THUMPD3: variants seen among roughly 807,000 people sequenced by gnomAD.
THUMPD3 encodes tRNA (guanine(6)-N(2))-methyltransferase THUMP3.
Under a neutral mutation model 54.5 loss-of-function variants are expected in THUMPD3, and 44 were observed. That is an observed-to-expected ratio of 0.81 (90% confidence interval 0.63 to 1.04). The LOEUF (loss-of-function observed/expected upper bound fraction) is 1.04. Among genes scored for constraint, THUMPD3 ranks in the 50% least tolerant of loss-of-function variants. The pLI, the probability that THUMPD3 is intolerant of heterozygous loss-of-function variation, is 0.00. For missense variants in THUMPD3, 604 were observed against 601.3 expected (o/e 1.00, Z -0.05); for synonymous variants, 196 against 201.4 (o/e 0.97, Z 0.23).
Position 9,377,837 on chromosome 3 carries a change from T to G in THUMPD3, c.957T>G (p.Pro319=), listed in dbSNP as rs780277347. Residue 319 remains proline, a synonymous_variant, in exon 6 of 10, where the codon CCT becomes CCG. Coordinates refer to ENST00000452837, the MANE Select transcript of THUMPD3 (RefSeq NM_001114092.2). The part of the protein sequence containing the change: ...YGMLRLCDPL[P]YDIIVDPMCG... ...TCTCTAGGCTCTGTGATCCTCTACC[T>G]TATGATATAATAGTCGATCCAATGT... The G allele has an allele frequency of 1.2e-5, 19 of 1,613,580 alleles. No individual in the cohort carries two copies. Among genetic ancestry groups the G allele is most frequent in the Non-Finnish European group, 1.5e-5 (18 of 1,179,714 alleles).
chr3:9,380,621 A>G lies in THUMPD3; in HGVS notation c.1124+3A>G. On this transcript the variant is annotated splice_donor_region_variant and intron_variant, in intron 7 of 9. Coordinates refer to ENST00000452837, the MANE Select transcript of THUMPD3 (RefSeq NM_001114092.2). The stretch of plus-strand genomic sequence containing the variant: ...ACCAAGAGCCAAATTAAAGAAGGGT[A>G]AAAATTTAAAAGATTTCTTAGCATC... 6.3e-7 allele frequency: 1 copy of G among 1,591,290 alleles called. No individual in the cohort carries two copies. The highest frequency in any genetic ancestry group is 8.6e-7 in the Non-Finnish European group (1 of 1,161,614).
At chr3:9,381,060 T>C (rs1699569728) in intron 7 of THUMPD3, among the ~76,000 whole-genome samples, 1 of 152,158 alleles carries the variant, frequency 6.6e-6, no homozygotes, top group Admixed American at 6.5e-5. Context: ...GCCTCCCTAG[T>C]AGCTAGGAAT....
At chr3:9,383,746 C>T (rs564215784) in intron 8 of THUMPD3, among the ~76,000 whole-genome samples, 9 of 152,202 alleles carry the variant, frequency 5.9e-5, no homozygotes, top group East Asian at 1.9e-4. Flanking sequence ...GCCTCACCCT[C>T]CTGAGTAGCT....
intron 3 of THUMPD3, among the ~76,000 whole-genome samples, chr3:9,368,007 G>T (rs1015980036): frequency 6.6e-6 from 1 of 152,094 alleles, no homozygotes; most frequent in African/African-American, 2.4e-5. Context: ...GGAGCTGGCA[G>T]TGAGCAGAGA....
At chr3:9,371,015 T>G in intron 3 of THUMPD3, 45 bp from the exon 4 acceptor site, 1 of 1,433,236 alleles carries the variant, frequency 7.0e-7, no homozygotes. Flanking sequence ...TTTGTTTGAT[T>G]ATAGTGGTGA....
chr3:9,373,672 G>A (rs2032232824), intron 4 of THUMPD3, among the ~76,000 whole-genome samples: 1 of 152,226 alleles, frequency 6.6e-6, no homozygotes, highest in Non-Finnish European at 1.5e-5. Context: ...CTGTGGTTAA[G>A]CTCAGGAAGT....
chr3:9,377,784 G>A (rs1420503592), intron 5 of THUMPD3, 35 bp from the exon 6 acceptor site: 1 of 1,549,624 alleles, frequency 6.5e-7, no homozygotes, highest in Admixed American at 1.7e-5. Context: ...CAGCTTTTGA[G>A]TGAGTCTTCA....
At chr3:9,366,516 C>T (rs1559299008) in intron 2 of THUMPD3, among the ~76,000 whole-genome samples, 1 of 152,178 alleles carries the variant, frequency 6.6e-6, no homozygotes, top group South Asian at 2.1e-4. Flanking sequence ...AATAATTTCC[C>T]CAGGGCCACT....
At chr3:9,379,154 T>G (rs2032686968) in intron 6 of THUMPD3, among the ~76,000 whole-genome samples, 2 of 151,592 alleles carry the variant, frequency 1.3e-5, no homozygotes, top group South Asian at 4.2e-4. Context: ...TTTTTTAATT[T>G]AGAAGTGTTA....
chr3:9,371,228 G>T lies in THUMPD3; in HGVS notation c.499G>T (p.Asp167Tyr). 1.9e-6 allele frequency: 3 copies of T among 1,611,136 alleles called. No individual in the cohort carries two copies. Among genetic ancestry groups the T allele is most frequent in the South Asian group, 2.2e-5 (2 of 89,960 alleles). ...TAATAATGGACAAGAAGTCAAAATC[G>T]ATCAGAGAAATGTTAAAAAAGAGTT... Reference protein sequence around the residue: ...KINNGQEVKIDQRNVKKEFTS... With the variant: ...KINNGQEVKIYQRNVKKEFTS... The change falls in exon 4 of 10, where the codon GAT (aspartate) becomes TAT (tyrosine). Residue 167 changes from aspartate (D) to tyrosine (Y), a missense_variant. Coordinates refer to ENST00000452837, the MANE Select transcript of THUMPD3 (RefSeq NM_001114092.2).
At chr3:9,382,315 T>C (rs2032988449) in intron 7 of THUMPD3, among the ~76,000 whole-genome samples, 1 of 152,204 alleles carries the variant, frequency 6.6e-6, no homozygotes, top group African/African-American at 2.4e-5. Flanking sequence ...GTGCATTATT[T>C]TGTTTCTTAA....
chr3:9,372,178 A>C (rs2032099167), intron 4 of THUMPD3, among the ~76,000 whole-genome samples: 2 of 151,962 alleles, frequency 1.3e-5, no homozygotes, highest in African/African-American at 4.8e-5. Context: ...CTAATAGACT[A>C]CTCTTTTACT....
At chr3:9,380,137 C>T (rs1432246894) in intron 6 of THUMPD3, among the ~76,000 whole-genome samples, 2 of 152,084 alleles carry the variant, frequency 1.3e-5, no homozygotes, top group African/African-American at 4.8e-5. Context: ...AATACTAGAC[C>T]TGACCTCAGA....
At chr3:9,380,820 A>G (rs886120981) in intron 7 of THUMPD3, 8 of 401,220 alleles carry the variant, frequency 2.0e-5, no homozygotes, top group Admixed American at 4.2e-5. Flanking sequence ...TTTCCCCACC[A>G]TATGCAATTT....
At chr3:9,372,716 A>C (rs1203639531) in intron 4 of THUMPD3, among the ~76,000 whole-genome samples, 1 of 152,164 alleles carries the variant, frequency 6.6e-6, no homozygotes, top group Non-Finnish European at 1.5e-5. Context: ...ACCTCATTTT[A>C]GTATATTTAC....
chr3:9,365,516 A>G (rs2031481832), intron 2 of THUMPD3, among the ~76,000 whole-genome samples, 196 bp downstream of exon 2: 1 of 144,096 alleles, frequency 6.9e-6, no homozygotes, highest in Admixed American at 6.8e-5. Flanking sequence ...TTAGGACCAA[A>G]AGTGTTTCAG....
At chr3:9,380,666 C>G in intron 7 of THUMPD3, 48 bp downstream of exon 7, 1 of 1,361,822 alleles carries the variant, frequency 7.3e-7, no homozygotes, top group Non-Finnish European at 1.0e-6. Context: ...TAGAGAATCA[C>G]TTTTTATATT....
intron 5 of THUMPD3, among the ~76,000 whole-genome samples, chr3:9,374,953 G>T (rs1467870014): frequency 6.6e-6 from 1 of 152,134 alleles, no homozygotes; most frequent in Non-Finnish European, 1.5e-5. Context: ...CTGCCTCCCG[G>T]GTTCAAGCGA....
intron 4 of THUMPD3, among the ~76,000 whole-genome samples, chr3:9,372,387 G>A (rs551959991): frequency 2.6e-5 from 4 of 152,054 alleles, no homozygotes; most frequent in African/African-American, 9.6e-5. Flanking sequence ...TGAGACCAGC[G>A]TGGCCAATAT....
Sources: gnomAD v4.1 joint callset for allele counts (sites outside exome capture counted in the v4.1 genomes callset) on GRCh38, gnomAD v4.1.1 for gene constraint, MANE v1.5 for transcripts, NCBI Gene and HGNC (gene_info 2026-07-23, HGNC 2026-07-21) for gene names.